The following UBE3B variants were observed in gnomAD, a reference collection of about 807,000 sequenced individuals.
UBE3B encodes the protein ubiquitin-protein ligase E3B.
UBE3B carries 80 observed loss-of-function variants against 132.3 expected under a neutral mutation model. The observed-to-expected ratio is 0.60, with a 90% CI of 0.50 to 0.73. The LOEUF (loss-of-function observed/expected upper bound fraction) is 0.73. Ranked by LOEUF, UBE3B falls within the 30% of genes least tolerant of loss-of-function variation. The pLI is 0.00. For synonymous variants in UBE3B, 487 were observed against 520.4 expected, an observed-to-expected ratio of 0.94 and a Z score of 0.87; for missense variants, 1,196 against 1,362.5, an observed-to-expected ratio of 0.88 and a Z score of 1.92.
chr12:109,482,544 C>T (rs1875657756), intron 2 of UBE3B, among the ~76,000 whole-genome samples: 1 of 152,080 alleles, frequency 6.6e-6, no homozygotes, highest in Non-Finnish European at 1.5e-5. Context: ...GTAAAGTAGC[C>T]TGGTAGAGAG....
In UBE3B at chr12:109,501,531, A is replaced by G; in HGVS notation, c.1279A>G (p.Lys427Glu). ...ATCCCCTCAGAATGTGCTCCCAGTG[A>G]AGAGTGAGTGACGGGAGCAGGCCCA... is the stretch of plus-strand genomic sequence containing the variant. ...PASPQNVLPV[K>E]SLLKRAFQKS... Residue 427 changes from lysine to glutamate, a missense_variant, in exon 13 of 28, where the codon AAG (lysine) becomes GAG (glutamate). Lys to Glu is a moderately conservative substitution (Grantham distance 56, BLOSUM62 1). Transcript: ENST00000342494. The G allele has an allele frequency of 6.2e-7, 1 of 1,613,342 alleles. No individual in the cohort carries two copies. The highest frequency in any genetic ancestry group is 1.1e-5 in the South Asian group (1 of 90,950).
downstream of UBE3B, among the ~76,000 whole-genome samples, chr12:109,538,396 C>T (rs1883530599): frequency 6.6e-6 from 1 of 152,228 alleles, no homozygotes; most frequent in Non-Finnish European, 1.5e-5. This position sits in a 1 kb window ranked among gnomAD's most constrained non-coding sequence, Gnocchi z 4.1. Context: ...AGCGTGGGCT[C>T]TGGAATCGCA....
intron 2 of UBE3B, among the ~76,000 whole-genome samples, chr12:109,482,029 G>A (rs1875542188): frequency 6.6e-6 from 1 of 152,070 alleles, no homozygotes; most frequent in East Asian, 1.9e-4. Context: ...TGGGAGGCTT[G>A]CACCAACTTT....
the UBE3B span, among the ~76,000 whole-genome samples, chr12:109,543,169 G>A: frequency 2.0e-5 from 3 of 152,236 alleles, no homozygotes; most frequent in Non-Finnish European, 2.9e-5. Flanking sequence ...TTCAGGCCTC[G>A]GGAAATACAG....
At chr12:109,524,330 C>A in intron 22 of UBE3B, 108 bp from the exon 23 acceptor site, 1 of 1,444,472 alleles carries the variant, frequency 6.9e-7, no homozygotes, top group Non-Finnish European at 9.6e-7. Flanking sequence ...AGCTGTTCAG[C>A]AGCCATGGGT....
chr12:109,503,293 G>C, intron 14 of UBE3B, 103 bp downstream of exon 14: 1 of 1,456,544 alleles, frequency 6.9e-7, no homozygotes, highest in Non-Finnish European at 9.2e-7. Flanking sequence ...TCTGAAAATA[G>C]ATTCTGAAGG....
downstream of UBE3B, among the ~76,000 whole-genome samples, chr12:109,537,582 G>A (rs1244130792): frequency 2.6e-5 from 4 of 152,238 alleles, no homozygotes; most frequent in African/African-American, 9.6e-5. Flanking sequence ...CTCACAAGGA[G>A]CGTTCATGTA....
intron 7 of UBE3B, among the ~76,000 whole-genome samples, chr12:109,489,290 G>T (rs1877022266): frequency 1.3e-5 from 2 of 152,224 alleles, no homozygotes; most frequent in Admixed American, 6.5e-5. Context: ...TGTGGTAAGT[G>T]CTTGGAAGGA....
At chr12:109,539,007 G>A (rs182252219), downstream of UBE3B, among the ~76,000 whole-genome samples, 3 of 152,248 alleles carry the variant, frequency 2.0e-5, no homozygotes, top group Non-Finnish European at 4.4e-5. Context: ...AGGCTGAGGC[G>A]GGCAGATCCC....
intron 2 of UBE3B, among the ~76,000 whole-genome samples, chr12:109,482,674 G>A (rs1875676326): frequency 6.6e-6 from 1 of 151,686 alleles, no homozygotes; most frequent in South Asian, 2.1e-4. Flanking sequence ...ATCTCAATAT[G>A]GGAGCCTCCG....
chr12:109,533,333 C>A, intron 26 of UBE3B, 133 bp from the exon 27 acceptor site: 1 of 838,684 alleles, frequency 1.2e-6, no homozygotes, highest in South Asian at 1.5e-5. Flanking sequence ...CACCCCGCCA[C>A]TCCATACGGC....
the UBE3B span, among the ~76,000 whole-genome samples, chr12:109,545,468 G>T: frequency 6.6e-6 from 1 of 152,224 alleles, no homozygotes; most frequent in Admixed American, 6.5e-5. Context: ...TGTGATCAGC[G>T]TCCCTGGCAT....
chr12:109,490,154 C>G, intron 8 of UBE3B, 150 bp downstream of exon 8: 4 of 901,470 alleles, frequency 4.4e-6, no homozygotes, highest in Non-Finnish European at 7.1e-6. Context: ...TTCTTCCTTC[C>G]CCTGCCTTGT....
At chr12:109,490,983 T>G in intron 8 of UBE3B, 62 bp from the exon 9 acceptor site, 1 of 1,565,340 alleles carries the variant, frequency 6.4e-7, no homozygotes, top group Non-Finnish European at 8.7e-7. Context: ...TTTTTGCTCT[T>G]TTATGTACAA....
the UBE3B span, among the ~76,000 whole-genome samples, chr12:109,545,219 T>C: frequency 6.6e-6 from 1 of 152,228 alleles, no homozygotes; most frequent in African/African-American, 2.4e-5. Context: ...GTGTGAAGTC[T>C]GCTGGGTGGC....
chr12:109,484,280 T>A (rs1566071406), intron 4 of UBE3B, among the ~76,000 whole-genome samples: 2 of 152,138 alleles, frequency 1.3e-5, no homozygotes. Context: ...ATACAAATCA[T>A]ATTAAACGGT....
downstream of UBE3B, among the ~76,000 whole-genome samples, chr12:109,539,814 A>C (rs1026959199): frequency 6.6e-6 from 1 of 151,956 alleles, no homozygotes; most frequent in African/African-American, 2.4e-5. Context: ...CTGTGTGCCC[A>C]CACCCCAGCT....
At chr12:109,501,322 C>A (rs1256754460) in intron 12 of UBE3B, 49 bp from the exon 13 acceptor site, 9 of 1,609,206 alleles carry the variant, frequency 5.6e-6, no homozygotes, top group Non-Finnish European at 7.6e-6. Context: ...TGGCCCTGGC[C>A]CTGCATCAGA....
chr12:109,493,612 T>C (rs1484409063), intron 9 of UBE3B, among the ~76,000 whole-genome samples: 1 of 152,234 alleles, frequency 6.6e-6, no homozygotes, highest in African/African-American at 2.4e-5. Flanking sequence ...CTCTGAATGT[T>C]TGTATATAAT....
Sources: gnomAD v4.1 joint callset for allele counts (sites outside exome capture counted in the v4.1 genomes callset) on GRCh38, gnomAD v4.1.1 for gene constraint, Gnocchi (gnomAD v3.1) non-coding constraint, MANE v1.5 for transcripts, NCBI Gene and HGNC (gene_info 2026-07-23, HGNC 2026-07-21) for gene names.